The following CCNY variants were observed in gnomAD, a reference collection of about 807,000 sequenced individuals.
The protein encoded by CCNY is cyclin-Y.
In CCNY, 19 loss-of-function variants were observed where a neutral mutation model predicts 42.8. The observed-to-expected ratio is 0.44, with a 90% CI of 0.31 to 0.65. The LOEUF (loss-of-function observed/expected upper bound fraction) is 0.65, where lower values mean the gene tolerates loss of function less well. Ranked by LOEUF, CCNY falls within the 30% of genes least tolerant of loss-of-function variation. CCNY has a pLI of 0.07. For missense variants in CCNY, 370 were observed against 437.3 expected (o/e 0.85, Z 1.37); for synonymous variants, 165 against 162.7 (o/e 1.01, Z -0.11).
At chr10:35,361,289 T>TG (rs1205045240) in intron 1 of CCNY, among the ~76,000 whole-genome samples, 1 of 152,214 alleles carries the variant, frequency 6.6e-6, no homozygotes, top group African/African-American at 2.4e-5. Flanking sequence ...TATGACTTTA[T>TG]AATTTTTTTG....
intron 1 of CCNY, among the ~76,000 whole-genome samples, chr10:35,374,738 A>G (rs986755884): frequency 6.6e-6 from 1 of 152,228 alleles, no homozygotes; most frequent in Non-Finnish European, 1.5e-5. Flanking sequence ...CATACTAGAG[A>G]TTCTAATATA....
chr10:35,371,463 G>A (rs936536136), intron 1 of CCNY, among the ~76,000 whole-genome samples: 1 of 152,172 alleles, frequency 6.6e-6, no homozygotes. Context: ...CTTTGAACAA[G>A]TCACTTTCCT....
intron 1 of CCNY, among the ~76,000 whole-genome samples, chr10:35,423,330 C>T (rs998005374): frequency 1.3e-5 from 2 of 152,168 alleles, no homozygotes; most frequent in African/African-American, 4.8e-5. Flanking sequence ...CAAAAATCAG[C>T]TGGGCATGGT....
intron 1 of CCNY, among the ~76,000 whole-genome samples, chr10:35,369,744 T>A (rs531973907): frequency 6.6e-6 from 1 of 152,350 alleles, no homozygotes; most frequent in African/African-American, 2.4e-5. Context: ...TGTTTCTTGT[T>A]CTGCACATTA....
At chr10:35,306,380 A>G (rs1409673755) in intron 3 of CCNY, among the ~76,000 whole-genome samples, 1 of 152,214 alleles carries the variant, frequency 6.6e-6, no homozygotes, top group Non-Finnish European at 1.5e-5. Flanking sequence ...AGTTGGCGCC[A>G]GGCATCTTGC....
chr10:35,307,820 T>TA (rs1835631373), intron 3 of CCNY, among the ~76,000 whole-genome samples: 4 of 46,478 alleles, frequency 8.6e-5, no homozygotes, highest in East Asian at 4.9e-4. Flanking sequence ...ATATATATAT[T>TA]TTTTTTTTTT....
intron 5 of CCNY, among the ~76,000 whole-genome samples, chr10:35,529,342 A>C (rs1478718416): frequency 1.3e-5 from 2 of 152,210 alleles, no homozygotes; most frequent in Non-Finnish European, 2.9e-5. Flanking sequence ...GCTTAAGCAG[A>C]TCCAACAACC....
chr10:35,551,186 C>T (rs1841249059), intron 7 of CCNY, among the ~76,000 whole-genome samples: 1 of 152,170 alleles, frequency 6.6e-6, no homozygotes, highest in Admixed American at 6.5e-5. Flanking sequence ...CCGTAAGAGA[C>T]CTCTCCCAAT....
chr10:35,534,120 C>G (rs1196909837), intron 7 of CCNY, among the ~76,000 whole-genome samples: 1 of 151,878 alleles, frequency 6.6e-6, no homozygotes, highest in African/African-American at 2.4e-5. Flanking sequence ...CTCCCAGTTT[C>G]AAACGATTCT....
Position 35,257,241 on chromosome 10 carries a change from T to TTC in CCNY, c.-9+6615_-9+6616insTC, listed in dbSNP as rs1565054209. On this transcript the variant is annotated intron_variant, in intron 3 of 11. Coordinates refer to the CCNY transcript ENST00000374706. ...CTCCCTCCCTCCCTCCCTTCCTTCC[T>TTC]CTTTCTTTCTCTCTCTCTTTCTCCC... Among the ~76,000 whole-genome samples, 17 of 137,030 alleles carry TTC rather than the reference T, an allele frequency of 1.2e-4. No individual in the cohort carries two copies. In the East Asian group the frequency reaches 1.8e-3, roughly 14 times the overall value. The allele number at this position is 137,030 out of a possible 152,430, so 89.9% of individuals were successfully genotyped here. A position where few individuals can be genotyped will look rare whatever the true frequency, so the allele number is the denominator to read the frequency against.
chr10:35,482,445 G>GT (rs1413385535), intron 1 of CCNY, among the ~76,000 whole-genome samples: 1 of 151,856 alleles, frequency 6.6e-6, no homozygotes, highest in Non-Finnish European at 1.5e-5. Context: ...TCAGTTTTTT[G>GT]TTTTTTGTTT....
intron 2 of CCNY, chr10:35,250,422 A>T (rs898374690): frequency 2.0e-5 from 3 of 152,214 alleles, no homozygotes; most frequent in Non-Finnish European, 2.9e-5. Context: ...ATCAGGAGTC[A>T]TGAGGGCATT....
intron 7 of CCNY, among the ~76,000 whole-genome samples, chr10:35,552,210 A>C (rs1296366183): frequency 2.0e-5 from 3 of 152,208 alleles, no homozygotes; most frequent in African/African-American, 7.2e-5. Flanking sequence ...GTTCTGACCC[A>C]TGCCACAACA....
intron 1 of CCNY, among the ~76,000 whole-genome samples, chr10:35,358,026 T>G (rs1269592254): frequency 6.6e-6 from 1 of 152,192 alleles, no homozygotes; most frequent in African/African-American, 2.4e-5. Flanking sequence ...TTATCATTCC[T>G]TCAGTGCTTC....
intron 3 of CCNY, among the ~76,000 whole-genome samples, chr10:35,294,440 T>G (rs1835448096): frequency 6.6e-6 from 1 of 152,254 alleles, no homozygotes; most frequent in Non-Finnish European, 1.5e-5. Context: ...TTTCTGTTCC[T>G]AGTTTGTTGA....
chr10:35,355,905 T>G (rs1836539244), intron 1 of CCNY, among the ~76,000 whole-genome samples: 1 of 151,988 alleles, frequency 6.6e-6, no homozygotes, highest in Middle Eastern at 3.2e-3. Context: ...CTTTCCTATC[T>G]TAGATTGTTT....
At chr10:35,395,141 C>T (rs528735889) in intron 1 of CCNY, among the ~76,000 whole-genome samples, 1 of 152,224 alleles carries the variant, frequency 6.6e-6, no homozygotes, top group Non-Finnish European at 1.5e-5. Context: ...GTGACTCCCT[C>T]AGTCTTCTCC....
rs573236082 is a variant in CCNY at position 35,519,967 on chromosome 10, A to G, written c.365+3344A>G. ...TAATTTTTGCATTTTTTGTAGAGAC[A>G]TTTGTTTCACCTTGTTGCGTAGGCT... On this transcript the variant is annotated intron_variant, in intron 4 of 9. Transcript: ENST00000374704. Among the ~76,000 whole-genome samples the G allele has an allele frequency of 7.3e-5, 11 of 151,446 alleles. 1 individual carries two copies. In the East Asian group the frequency reaches 1.6e-3, roughly 21 times the overall value.
intron 1 of CCNY, among the ~76,000 whole-genome samples, chr10:35,479,733 A>G (rs1450283969): frequency 2.6e-5 from 4 of 151,832 alleles, no homozygotes; most frequent in Non-Finnish European, 4.4e-5. Flanking sequence ...CAATGTGCAC[A>G]TGTACCCTAA....
Sources: allele counts gnomAD v4.1 joint callset (sites outside exome capture counted in the v4.1 genomes callset), GRCh38; gene constraint gnomAD v4.1.1; transcripts MANE v1.5; gene names NCBI Gene and HGNC (gene_info 2026-07-23, HGNC 2026-07-21).